The following C8orf34 variants were observed in gnomAD, a reference collection of about 807,000 sequenced individuals.
C8orf34 encodes chromosome 8 open reading frame 34, also known as uncharacterized protein C8orf34.
C8orf34 carries 65 observed loss-of-function variants against 68.3 expected under a neutral mutation model. The observed-to-expected ratio is 0.95, with a 90% CI of 0.78 to 1.17. The LOEUF (loss-of-function observed/expected upper bound fraction) is 1.17, where lower values mean the gene tolerates loss of function less well. Among genes scored for constraint, C8orf34 ranks in the 50% most tolerant of loss-of-function variants. The pLI is 0.00. For missense variants in C8orf34, 664 were observed against 655.4 expected, an observed-to-expected ratio of 1.01 and a Z score of -0.14; for synonymous variants, 244 against 241.2, an observed-to-expected ratio of 1.01 and a Z score of -0.11.
chr8:68,726,590 G>A (rs1267991045), intron 10 of C8orf34, among the ~76,000 whole-genome samples: 1 of 152,154 alleles, frequency 6.6e-6, no homozygotes, highest in Non-Finnish European at 1.5e-5. Flanking sequence ...GATGTTGTGT[G>A]TATTAGTTCA....
chr8:68,331,138 C>T lies in C8orf34; in HGVS notation c.126C>T (p.Ala42=). The T allele has an allele frequency of 6.6e-7, 1 of 1,520,226 alleles. No individual in the cohort carries two copies. The highest frequency in any genetic ancestry group is 8.8e-7 in the Non-Finnish European group (1 of 1,138,384). The allele number at this position is 1,520,226 out of a possible 1,614,324, so 94.2% of individuals were successfully genotyped here. ...CCCACGCCCGCGGCCGGGGCCGAGCCAGCCACGCAGGGCAGCCGAGGCTCC... is the reference window on the plus strand; with the variant it reads ...CCCACGCCCGCGGCCGGGGCCGAGCTAGCCACGCAGGGCAGCCGAGGCTCC... ...AATHARGRGR[A]SHAGQPRLRS... is the part of the protein sequence containing the mutation. The change falls in exon 1 of 14, where the codon GCC becomes GCT. Residue 42 remains alanine, a synonymous_variant. Coordinates refer to ENST00000518698, the MANE Select transcript of C8orf34 (RefSeq NM_052958.4).
chr8:68,659,278 T>G (rs1485063412), intron 8 of C8orf34, among the ~76,000 whole-genome samples: 3 of 152,196 alleles, frequency 2.0e-5, no homozygotes, highest in African/African-American at 7.2e-5. Context: ...CAGCCTTGAT[T>G]TAATATTGGA....
At chr8:68,398,838 A>C (rs1006563247) in intron 1 of C8orf34, among the ~76,000 whole-genome samples, 3 of 152,178 alleles carry the variant, frequency 2.0e-5, no homozygotes, top group Admixed American at 6.6e-5. Context: ...CTGAAAAAGC[A>C]GGTGACAGCG....
At chr8:68,453,494 G>T (rs914405754) in intron 3 of C8orf34, among the ~76,000 whole-genome samples, 1 of 151,932 alleles carries the variant, frequency 6.6e-6, no homozygotes, top group Non-Finnish European at 1.5e-5. Flanking sequence ...GCATGTCCTT[G>T]GTTAAATTTA....
intron 8 of C8orf34, among the ~76,000 whole-genome samples, chr8:68,660,527 C>T (rs1819640226): frequency 6.6e-6 from 1 of 152,148 alleles, no homozygotes; most frequent in Non-Finnish European, 1.5e-5. Flanking sequence ...TTGTCTATGC[C>T]ATGGATACTA....
chr8:68,508,937 A>G (rs1160312678), intron 5 of C8orf34, among the ~76,000 whole-genome samples: 1 of 152,058 alleles, frequency 6.6e-6, no homozygotes, highest in Non-Finnish European at 1.5e-5. Context: ...CCTGCCTCTC[A>G]GTTCGAATTG....
intron 3 of C8orf34, among the ~76,000 whole-genome samples, chr8:68,466,041 A>T (rs1447201931): frequency 9.8e-3 from 9 of 916 alleles, no homozygotes; most frequent in Non-Finnish European, 0.045. Context: ...TTGGTCATTT[A>T]AAAAAAAAAA....
intron 10 of C8orf34, among the ~76,000 whole-genome samples, chr8:68,759,061 TAC>T (rs1822952713): frequency 1.3e-5 from 2 of 152,098 alleles, no homozygotes; most frequent in Admixed American, 1.3e-4. Context: ...TAAAAAATTA[TAC>T]GTAGACACAT....
chr8:68,474,736 G>T (rs879336742), intron 4 of C8orf34, among the ~76,000 whole-genome samples: 4 of 152,182 alleles, frequency 2.6e-5, no homozygotes, highest in African/African-American at 9.7e-5. Context: ...TGACTTTTAA[G>T]GTCACTGCGG....
chr8:68,418,476 C>T (rs1809782308), intron 1 of C8orf34, among the ~76,000 whole-genome samples: 1 of 152,054 alleles, frequency 6.6e-6, no homozygotes, highest in Non-Finnish European at 1.5e-5. Flanking sequence ...CCCATCAATA[C>T]CTAATTTATT....
chr8:68,487,536 T>G (rs1317101993), intron 4 of C8orf34, among the ~76,000 whole-genome samples: 1 of 152,196 alleles, frequency 6.6e-6, no homozygotes, highest in African/African-American at 2.4e-5. Flanking sequence ...TGAGGGACTG[T>G]GGGAAAATTC....
intron 4 of C8orf34, among the ~76,000 whole-genome samples, 185 bp downstream of exon 4, chr8:68,469,005 C>A (rs1812267800): frequency 6.6e-6 from 1 of 152,034 alleles, no homozygotes; most frequent in Non-Finnish European, 1.5e-5. Flanking sequence ...CTTGGGTAGA[C>A]TGATCACATG....
chr8:68,492,374 C>T (rs376754408), intron 5 of C8orf34, among the ~76,000 whole-genome samples: 73 of 152,152 alleles, frequency 4.8e-4, no homozygotes, highest in African/African-American at 1.1e-3. Flanking sequence ...GGACTACAAA[C>T]GTGTGCCACC....
At chr8:68,420,111 T>C (rs1586100764) in intron 1 of C8orf34, among the ~76,000 whole-genome samples, 1 of 150,022 alleles carries the variant, frequency 6.7e-6, no homozygotes. Context: ...AAAGCGAGCA[T>C]TGCATTTGGG....
chr8:68,392,590 A>G (rs1267199063), intron 1 of C8orf34, among the ~76,000 whole-genome samples: 1 of 152,030 alleles, frequency 6.6e-6, no homozygotes, highest in African/African-American at 2.4e-5. Flanking sequence ...ATAAAATTCT[A>G]TTATAAAATA....
chr8:68,788,849 C>T (rs2129529048), intron 12 of C8orf34, among the ~76,000 whole-genome samples: 1 of 151,048 alleles, frequency 6.6e-6, no homozygotes, highest in South Asian at 2.1e-4. Flanking sequence ...CAGAGCGAGA[C>T]TCCGTCTAAA....
chr8:68,592,069 C>T (rs1418586774), intron 7 of C8orf34, among the ~76,000 whole-genome samples: 2 of 152,086 alleles, frequency 1.3e-5, no homozygotes, highest in East Asian at 1.9e-4. Flanking sequence ...AGTGTATAAA[C>T]TTACAAGTTG....
At chr8:68,679,839 C>T (rs367812152) in intron 8 of C8orf34, among the ~76,000 whole-genome samples, 1 of 152,148 alleles carries the variant, frequency 6.6e-6, no homozygotes, top group Non-Finnish European at 1.5e-5. Context: ...AAAGAACAAT[C>T]TTTTCAATAA....
At chr8:68,509,638 C>A (rs1447283845) in intron 5 of C8orf34, among the ~76,000 whole-genome samples, 1 of 152,078 alleles carries the variant, frequency 6.6e-6, no homozygotes, top group African/African-American at 2.4e-5. Flanking sequence ...TTAAAGGAGT[C>A]CCAGGGATTT....
Sources: allele counts gnomAD v4.1 joint callset (sites outside exome capture counted in the v4.1 genomes callset), GRCh38; gene constraint gnomAD v4.1.1; transcripts MANE v1.5; gene names NCBI Gene and HGNC (gene_info 2026-07-23, HGNC 2026-07-21).